DPF3: variants seen among roughly 807,000 people sequenced by gnomAD.
The protein encoded by DPF3 is zinc finger protein DPF3.
A neutral mutation model predicts 56.8 loss-of-function variants in DPF3; 18 were observed. The observed-to-expected ratio is 0.32, with a 90% confidence interval of 0.22 to 0.47. The LOEUF (loss-of-function observed/expected upper bound fraction) is 0.47, where lower values mean the gene tolerates loss of function less well. Ranked by LOEUF, DPF3 falls within the 20% of genes least tolerant of loss-of-function variation. The probability of loss-of-function intolerance (pLI) is 1.00; values close to 1 mark genes in which losing one functional copy is unlikely to be tolerated. For synonymous variants in DPF3, 188 were observed against 180.2 expected, an observed-to-expected ratio of 1.04 and a Z score of -0.35; for missense variants, 403 against 488.8, an observed-to-expected ratio of 0.82 and a Z score of 1.65.
chr14:72,710,719 C>T (rs1888617534), intron 6 of DPF3, among the ~76,000 whole-genome samples: 1 of 152,234 alleles, frequency 6.6e-6, no homozygotes, highest in Non-Finnish European at 1.5e-5. Context: ...CAGACTTTTC[C>T]ACAATGTCCT....
chr14:72,890,054 G>A (rs1886690936), intron 1 of DPF3, among the ~76,000 whole-genome samples: 1 of 152,142 alleles, frequency 6.6e-6, no homozygotes, highest in African/African-American at 2.4e-5. Context: ...ATCAAGTCTG[G>A]CAGAAGGTGG....
At chr14:72,770,427 G>A (rs941935193) in intron 2 of DPF3, among the ~76,000 whole-genome samples, 1 of 152,230 alleles carries the variant, frequency 6.6e-6, no homozygotes, top group Non-Finnish European at 1.5e-5. Flanking sequence ...TTAAACTACA[G>A]GGGGAAAAAT....
At chr14:72,792,291 C>T (rs112104585) in intron 1 of DPF3, among the ~76,000 whole-genome samples, 10 of 152,294 alleles carry the variant, frequency 6.6e-5, no homozygotes, top group African/African-American at 2.2e-4. Context: ...GGCCTCCTGC[C>T]GCTGGACCTG....
At chr14:72,730,693 A>G (rs946611558) in intron 4 of DPF3, among the ~76,000 whole-genome samples, 2 of 151,536 alleles carry the variant, frequency 1.3e-5, no homozygotes, top group African/African-American at 4.8e-5. Context: ...CACAATAGGT[A>G]TAGCATAAAA....
chr14:72,887,307 C>G (rs1430859070), intron 1 of DPF3, among the ~76,000 whole-genome samples: 2 of 152,128 alleles, frequency 1.3e-5, no homozygotes, highest in Non-Finnish European at 2.9e-5. Flanking sequence ...TCCTCATTCT[C>G]ATCAGCTTCT....
chr14:72,630,825 T>C (rs927838119), intron 8 of DPF3, among the ~76,000 whole-genome samples: 2 of 152,238 alleles, frequency 1.3e-5, no homozygotes, highest in African/African-American at 4.8e-5. Flanking sequence ...AAACCCATTA[T>C]ATGGTGCCTT....
intron 1 of DPF3, among the ~76,000 whole-genome samples, chr14:72,844,757 A>T (rs1884682258): frequency 6.6e-6 from 1 of 152,250 alleles, no homozygotes; most frequent in South Asian, 2.1e-4. Context: ...CAGACTGTGC[A>T]TTTGACACTT....
chr14:72,769,090 G>C (rs1175444748), intron 2 of DPF3, among the ~76,000 whole-genome samples: 2 of 151,810 alleles, frequency 1.3e-5, no homozygotes, highest in Non-Finnish European at 2.9e-5. Flanking sequence ...AATTGAATGG[G>C]ATGTATCAAC....
intron 1 of DPF3, among the ~76,000 whole-genome samples, chr14:72,884,940 C>CTATATATATATGTATATATATATA (rs1886458072): frequency 3.4e-5 from 1 of 29,602 alleles, no homozygotes; most frequent in African/African-American, 7.4e-5. Flanking sequence ...ACTAAAAATA[C>CTATATATATATGTATATATATATA]TATATATATA....
At chr14:72,687,093 C>T (rs1290514649) in intron 7 of DPF3, among the ~76,000 whole-genome samples, 1 of 152,198 alleles carries the variant, frequency 6.6e-6, no homozygotes, top group Non-Finnish European at 1.5e-5. Context: ...TACCCTTAAT[C>T]AACTTGGTTC....
chr14:72,668,930 A>G (rs1886549207), intron 8 of DPF3, among the ~76,000 whole-genome samples: 1 of 152,212 alleles, frequency 6.6e-6, no homozygotes, highest in Non-Finnish European at 1.5e-5. Flanking sequence ...ACCTACTGGA[A>G]CAAACTCTAT....
chr14:72,838,921 T>A (rs1351259403), intron 1 of DPF3, among the ~76,000 whole-genome samples: 5 of 31,252 alleles, frequency 1.6e-4, no homozygotes, highest in Non-Finnish European at 4.7e-4. Context: ...TTTTTTTTTT[T>A]TTTTTTTTTT....
chr14:72,892,099 G>A (rs553035062), intron 1 of DPF3: 13 of 1,498,750 alleles, frequency 8.7e-6, no homozygotes, highest in Non-Finnish European at 1.1e-5. Flanking sequence ...CCGCGCGAAA[G>A]CGGGCTCCCG....
chr14:72,741,986 C>T (rs535903305), intron 3 of DPF3, among the ~76,000 whole-genome samples: 1 of 152,370 alleles, frequency 6.6e-6, no homozygotes, highest in South Asian at 2.1e-4. Context: ...AGAACACCAG[C>T]AGAGCTGGGG....
intron 1 of DPF3, among the ~76,000 whole-genome samples, chr14:72,778,046 A>G (rs13379417): frequency 0.02 from 2,990 of 152,180 alleles, 99 homozygotes; most frequent in African/African-American, 0.069. Context: ...CACTCTCTCA[A>G]TCTCTGCCAT....
chr14:72,800,640 AGATGGATGCATG>A (rs367824685), intron 1 of DPF3, among the ~76,000 whole-genome samples: 49 of 149,664 alleles, frequency 3.3e-4, no homozygotes, highest in Middle Eastern at 3.5e-3. Flanking sequence ...ATGGATGCAC[AGATGGATGCATG>A]GATGGATGCA....
intron 8 of DPF3, chr14:72,671,336 G>T: frequency 6.2e-7 from 1 of 1,613,928 alleles, no homozygotes; most frequent in East Asian, 2.2e-5. Context: ...CCTCCCAAAT[G>T]AGCTGACATG....
intron 2 of DPF3, among the ~76,000 whole-genome samples, chr14:72,762,109 T>C (rs1421729610): frequency 2.0e-5 from 3 of 151,860 alleles, no homozygotes; most frequent in African/African-American, 7.2e-5. Context: ...GTAAATGTTA[T>C]AAAATATTTA....
chr14:72,788,746 C>G (rs55994400), intron 1 of DPF3, among the ~76,000 whole-genome samples: 18,281 of 152,184 alleles, frequency 0.12, 1,413 homozygotes, highest in Middle Eastern at 0.31. Context: ...GGAAGGGTCA[C>G]AACAACTTTT....
Sources: allele counts gnomAD v4.1 joint callset (sites outside exome capture counted in the v4.1 genomes callset), GRCh38; gene constraint gnomAD v4.1.1; transcripts MANE v1.5; gene names NCBI Gene and HGNC (gene_info 2026-07-23, HGNC 2026-07-21).